NPAS3: variants seen among roughly 807,000 people sequenced by gnomAD.
NPAS3 encodes the protein neuronal PAS domain-containing protein 3.
NPAS3 carries 14 observed loss-of-function variants against 73.1 expected under a neutral mutation model. The ratio of observed to expected loss-of-function variants is 0.19; its 90% CI spans 0.13 to 0.30. The LOEUF is 0.30. NPAS3 is among the 10% of genes least tolerant of loss of function. NPAS3 has a pLI of 1.00. For missense variants in NPAS3, 1,096 were observed against 1,250.0 expected (o/e 0.88, Z 1.86); for synonymous variants, 620 against 541.5 (o/e 1.14, Z -2.01).
At chr14:33,174,766 A>C (rs965824981) in intron 2 of NPAS3, among the ~76,000 whole-genome samples, 1 of 152,176 alleles carries the variant, frequency 6.6e-6, no homozygotes, top group African/African-American at 2.4e-5. Context: ...GCAAGGAAGA[A>C]ATTTTAGGAT....
chr14:33,786,246 G>A (rs147854713), intron 9 of NPAS3, among the ~76,000 whole-genome samples: 22 of 152,288 alleles, frequency 1.4e-4, no homozygotes, highest in African/African-American at 4.6e-4. Context: ...AAGAATCTAT[G>A]TTTTCACAAT....
intron 4 of NPAS3, among the ~76,000 whole-genome samples, chr14:33,538,998 T>A (rs560843319): frequency 6.6e-6 from 1 of 152,328 alleles, no homozygotes; most frequent in South Asian, 2.1e-4. Flanking sequence ...GTTTTCCTTA[T>A]GCAGGCAACC....
intron 1 of NPAS3, among the ~76,000 whole-genome samples, chr14:33,005,523 C>T (rs955211547): frequency 1.3e-5 from 2 of 152,110 alleles, no homozygotes; most frequent in African/African-American, 4.8e-5. Flanking sequence ...TCCCCAGCCC[C>T]TGAGATAGCT....
At chr14:33,635,951 CTT>C (rs368594465) in intron 5 of NPAS3, among the ~76,000 whole-genome samples, 1 of 150,556 alleles carries the variant, frequency 6.6e-6, no homozygotes, top group Admixed American at 6.6e-5. Flanking sequence ...CTAGACCTAA[CTT>C]TTTTTTTTAA....
chr14:33,559,226 T>G (rs1440515454), intron 4 of NPAS3, among the ~76,000 whole-genome samples: 1 of 152,170 alleles, frequency 6.6e-6, no homozygotes, highest in Non-Finnish European at 1.5e-5. Flanking sequence ...ACTATAAAAC[T>G]TTAACAGAGA....
intron 1 of NPAS3, among the ~76,000 whole-genome samples, chr14:33,013,020 AC>A (rs2039266254): frequency 1.3e-5 from 2 of 152,242 alleles, no homozygotes; most frequent in African/African-American, 4.8e-5. Context: ...AATGTTCCAT[AC>A]CCTTGTGTGA....
At chr14:33,278,547 G>A (rs1416412829) in intron 3 of NPAS3, among the ~76,000 whole-genome samples, 1 of 150,104 alleles carries the variant, frequency 6.7e-6, no homozygotes, top group Non-Finnish European at 1.5e-5. Context: ...GGAAAAAAAA[G>A]AATGATATGA....
At chr14:33,584,301 C>T (rs939307350) in intron 5 of NPAS3, among the ~76,000 whole-genome samples, 12 of 151,470 alleles carry the variant, frequency 7.9e-5, no homozygotes, top group African/African-American at 2.9e-4. Flanking sequence ...CATTTGAAGA[C>T]ATGATTTTAA....
chr14:33,204,470 A>T (rs1330809051), intron 2 of NPAS3, among the ~76,000 whole-genome samples: 1 of 152,114 alleles, frequency 6.6e-6, no homozygotes, highest in Admixed American at 6.5e-5. Context: ...GCAGCTTCTT[A>T]ACCCAGACTT....
At chr14:33,388,866 T>G (rs545677996) in intron 4 of NPAS3, among the ~76,000 whole-genome samples, 1 of 152,286 alleles carries the variant, frequency 6.6e-6, no homozygotes, top group East Asian at 1.9e-4. Flanking sequence ...GACACGTGAA[T>G]TAAGTAATAT....
chr14:33,004,989 A>G (rs2038950968), intron 1 of NPAS3, among the ~76,000 whole-genome samples: 1 of 151,962 alleles, frequency 6.6e-6, no homozygotes, highest in South Asian at 2.1e-4. Context: ...TGGAGCCGTC[A>G]TCTCCTATGA....
chr14:33,167,109 G>A (rs6571585), intron 2 of NPAS3, among the ~76,000 whole-genome samples: 133,151 of 152,026 alleles, frequency 0.88, 58,656 homozygotes, highest in Admixed American at 0.93. Flanking sequence ...AATTTACAAC[G>A]CTTGGTATCT....
At chr14:33,434,501 T>G (rs1019893749) in intron 4 of NPAS3, among the ~76,000 whole-genome samples, 1 of 151,230 alleles carries the variant, frequency 6.6e-6, no homozygotes, top group Non-Finnish European at 1.5e-5. Flanking sequence ...CACCCCAGCC[T>G]GGGTGACAGC....
At chr14:33,454,487 A>T (rs1014823833) in intron 4 of NPAS3, among the ~76,000 whole-genome samples, 2 of 152,198 alleles carry the variant, frequency 1.3e-5, no homozygotes, top group Non-Finnish European at 2.9e-5. Context: ...ACTCCATGAG[A>T]TGTTCTCAGA....
In NPAS3 at chr14:33,016,927, A is replaced by G. The variant is rs189725956; in HGVS notation, c.51-38978A>G. On this transcript the variant is annotated intron_variant, in intron 1 of 11. Coordinates refer to ENST00000356141, the Ensembl canonical transcript of NPAS3. ...GTTAAAAGATGACTACAGAGAAAGA[A>G]ACACTACTAAATTCTATTTAATTTC... 8.5e-5 allele frequency among the ~76,000 whole-genome samples: 13 copies of G among 152,328 alleles called. 1 individual carries two copies. The highest frequency in any genetic ancestry group is 1.5e-4 in the Non-Finnish European group (10 of 68,028).
At chr14:33,331,110 C>T (rs1252514462) in intron 3 of NPAS3, among the ~76,000 whole-genome samples, 1 of 152,020 alleles carries the variant, frequency 6.6e-6, no homozygotes, top group African/African-American at 2.4e-5. Context: ...TATGCTGCAT[C>T]GTAACTCTTG....
At chr14:33,672,269 G>A (rs1293819500) in intron 5 of NPAS3, among the ~76,000 whole-genome samples, 1 of 152,044 alleles carries the variant, frequency 6.6e-6, no homozygotes, top group Non-Finnish European at 1.5e-5. Context: ...AGATTATGAT[G>A]CTATATTATA....
rs370827686 is a variant in NPAS3, at chr14:33,289,162, T to G, written c.385+73736T>G. ...ATCCTTATAATCCAAGAGGCACGCATTTTTATCATTCCCATTTTGCAGATG... is the reference window on the plus strand; with the variant it reads ...ATCCTTATAATCCAAGAGGCACGCAGTTTTATCATTCCCATTTTGCAGATG... On this transcript the variant is annotated intron_variant, in intron 3 of 11. Coordinates refer to ENST00000356141, the Ensembl canonical transcript of NPAS3. 5.9e-5 allele frequency among the ~76,000 whole-genome samples: 9 copies of G among 152,280 alleles called. No homozygotes were observed. In the East Asian group the frequency reaches 1.5e-3, roughly 26 times the overall value.
chr14:33,529,501 A>G lies in NPAS3; in HGVS notation c.469-30620A>G, dbSNP rs1249557939. ...GACTGAATTACTGTTTCAGAATTTG[A>G]TGATGGATGAAGAAGCAATGCAAAA... On this transcript the variant is annotated intron_variant, in intron 4 of 11. Coordinates refer to ENST00000356141, the Ensembl canonical transcript of NPAS3. Among the ~76,000 whole-genome samples, 4 of 152,098 alleles carry G rather than the reference A, an allele frequency of 2.6e-5. No homozygotes were observed. The South Asian group carries it at 6.2e-4, about 24-fold the overall frequency.
Sources: allele counts gnomAD v4.1 joint callset (sites outside exome capture counted in the v4.1 genomes callset), GRCh38; gene constraint gnomAD v4.1.1; transcripts MANE v1.5; gene names NCBI Gene and HGNC (gene_info 2026-07-23, HGNC 2026-07-21).